CYB5A: variants seen among roughly 807,000 people sequenced by gnomAD.
CYB5A encodes the protein cytochrome b5.
A neutral mutation model predicts 16.2 loss-of-function variants in CYB5A; 10 were observed. The ratio of observed to expected loss-of-function variants is 0.62; its 90% CI spans 0.38 to 1.04. The LOEUF (loss-of-function observed/expected upper bound fraction) is 1.04, where lower values mean the gene tolerates loss of function less well. CYB5A is among the 50% of genes least tolerant of loss of function. The pLI, the probability that CYB5A is intolerant of heterozygous loss-of-function variation, is 0.01. For missense variants in CYB5A, 161 were observed against 165.9 expected, an observed-to-expected ratio of 0.97 and a Z score of 0.16; for synonymous variants, 62 against 57.0, an observed-to-expected ratio of 1.09 and a Z score of -0.40.
chr18:74,263,366 T>C lies in CYB5A; in HGVS notation c.241A>G (p.Ile81Val). 3.7e-6 allele frequency: 6 copies of C among 1,614,026 alleles called. No individual in the cohort carries two copies. Among genetic ancestry groups the C allele is most frequent in the Non-Finnish European group, 5.1e-6 (6 of 1,179,952 alleles). The change falls in exon 2 of 5, where the codon ATT becomes GTT. Residue 81 changes from isoleucine to valine, a missense_variant. Physicochemically the swap from Ile to Val is conservative, Grantham distance 29. Transcript: ENST00000340533. ...DAREMSKTFI[I>V]GELHPDDRPK... The stretch of plus-strand genomic sequence containing the variant: ...GTACTTACTGGATGGAGCTCCCCAA[T>C]GATGAATGTTTTGGACATTTCCCTG...
intron 1 of CYB5A, among the ~76,000 whole-genome samples, chr18:74,277,315 C>T (rs1429638046): frequency 6.6e-6 from 1 of 152,182 alleles, no homozygotes; most frequent in Non-Finnish European, 1.5e-5. Context: ...TGTGGAGGGG[C>T]CAGCATCTGC....
At chr18:74,282,314 G>A (rs1983143193) in intron 1 of CYB5A, among the ~76,000 whole-genome samples, 1 of 152,202 alleles carries the variant, frequency 6.6e-6, no homozygotes, top group African/African-American at 2.4e-5. Context: ...TCTCCACCAG[G>A]CTCTCCTCTT....
chr18:74,289,497 T>C (rs1256422522), intron 1 of CYB5A, among the ~76,000 whole-genome samples: 1 of 152,132 alleles, frequency 6.6e-6, no homozygotes, highest in Non-Finnish European at 1.5e-5. Context: ...GAGGTAGGGC[T>C]GGGAGCAGTG....
At chr18:74,271,261 T>C (rs1982657257) in intron 1 of CYB5A, among the ~76,000 whole-genome samples, 1 of 152,204 alleles carries the variant, frequency 6.6e-6, no homozygotes, top group African/African-American at 2.4e-5. Context: ...GATAAAGAAA[T>C]AGCACAGAAG....
chr18:74,291,929 A>AGC lies in CYB5A; in HGVS notation c.-56_-55dup, dbSNP rs1214689075. ...CACACAGCCCCGTCGGGTGGAGCAGAGCGCGCGACTCAGCCAGCTCCACCC... is the reference window on the plus strand; with the variant it reads ...CACACAGCCCCGTCGGGTGGAGCAGAGCGCGCGCGACTCAGCCAGCTCCACCC... On this transcript the variant is annotated 5_prime_UTR_variant, in exon 1 of 5. Transcript: ENST00000340533. The AGC allele has an allele frequency of 6.2e-7, 1 of 1,604,024 alleles. No individual in the cohort carries two copies. The highest frequency in any genetic ancestry group is 1.3e-5 in the African/African-American group (1 of 74,918).
At chr18:74,267,167 T>C (rs1252937145) in intron 1 of CYB5A, among the ~76,000 whole-genome samples, 1 of 152,156 alleles carries the variant, frequency 6.6e-6, no homozygotes, top group Non-Finnish European at 1.5e-5. Context: ...ATCACTTTTT[T>C]TTTTTTTGAG....
At chr18:74,253,934 T>G (rs1274072365) in intron 4 of CYB5A, among the ~76,000 whole-genome samples, 1 of 152,192 alleles carries the variant, frequency 6.6e-6, no homozygotes, top group African/African-American at 2.4e-5. Context: ...ATCCCAGCAC[T>G]TTGGGAGGCC....
intron 1 of CYB5A, among the ~76,000 whole-genome samples, chr18:74,268,980 A>G (rs1982559485): frequency 6.6e-6 from 1 of 152,258 alleles, no homozygotes; most frequent in Non-Finnish European, 1.5e-5. Flanking sequence ...GGGAATACCA[A>G]TACAATAACT....
intron 1 of CYB5A, among the ~76,000 whole-genome samples, chr18:74,288,701 C>T (rs1443460007): frequency 6.6e-6 from 1 of 152,128 alleles, no homozygotes; most frequent in Non-Finnish European, 1.5e-5. Context: ...GGAGATATAA[C>T]CCCAGGAGCA....
At chr18:74,265,745 G>A (rs1202137423) in intron 1 of CYB5A, among the ~76,000 whole-genome samples, 1 of 152,218 alleles carries the variant, frequency 6.6e-6, no homozygotes, top group East Asian at 1.9e-4. Context: ...AAGGCCCGGG[G>A]GAGCCCACAC....
intron 1 of CYB5A, among the ~76,000 whole-genome samples, chr18:74,271,632 AC>A: frequency 6.6e-6 from 1 of 151,316 alleles, no homozygotes; most frequent in African/African-American, 2.4e-5. Flanking sequence ...CATATCCATC[AC>A]CTCATGTACT....
chr18:74,266,674 G>A (rs973535346), intron 1 of CYB5A, among the ~76,000 whole-genome samples: 1 of 151,576 alleles, frequency 6.6e-6, no homozygotes, highest in Non-Finnish European at 1.5e-5. Flanking sequence ...CAGCAACAAG[G>A]GATAGGTATG....
At chr18:74,281,831 T>C (rs1305270115) in intron 1 of CYB5A, among the ~76,000 whole-genome samples, 1 of 150,488 alleles carries the variant, frequency 6.6e-6, no homozygotes, top group Non-Finnish European at 1.5e-5. Context: ...GGTGTGTGTG[T>C]GTGTGTGTGT....
At chr18:74,258,645 C>CA (rs1982081651) in intron 3 of CYB5A, 1 of 152,166 alleles carries the variant, frequency 6.6e-6, no homozygotes, top group African/African-American at 2.4e-5. Context: ...TCCACTAAAC[C>CA]AAAAGCACAA....
intron 1 of CYB5A, among the ~76,000 whole-genome samples, chr18:74,274,802 C>T (rs1982803411): frequency 6.6e-6 from 1 of 152,170 alleles, no homozygotes. Context: ...CCCTTAACTC[C>T]TAAATTTGCT....
chr18:74,266,700 C>T (rs937168168), intron 1 of CYB5A, among the ~76,000 whole-genome samples: 3 of 151,142 alleles, frequency 2.0e-5, no homozygotes, highest in South Asian at 2.1e-4. Flanking sequence ...ATCTACCTAT[C>T]GACCTCTGGT....
chr18:74,256,562 C>A (rs13381155), intron 3 of CYB5A: 20,388 of 503,910 alleles, frequency 0.04, 1,412 homozygotes, highest in East Asian at 0.18. Flanking sequence ...AGTGAAATAT[C>A]AACTTTTTGG....
At chr18:74,286,447 A>C (rs1163004728) in intron 1 of CYB5A, among the ~76,000 whole-genome samples, 1 of 152,238 alleles carries the variant, frequency 6.6e-6, no homozygotes, top group Non-Finnish European at 1.5e-5. Flanking sequence ...CCACATAAAA[A>C]CAATTTATTT....
At chr18:74,262,055 G>A (rs966497381) in intron 2 of CYB5A, among the ~76,000 whole-genome samples, 4 of 152,164 alleles carry the variant, frequency 2.6e-5, no homozygotes, top group Admixed American at 6.5e-5. Flanking sequence ...AGTTTTCAGC[G>A]ATTTTCCTGA....
Sources: gnomAD v4.1 joint callset for allele counts (sites outside exome capture counted in the v4.1 genomes callset) on GRCh38, gnomAD v4.1.1 for gene constraint, MANE v1.5 for transcripts, NCBI Gene and HGNC (gene_info 2026-07-23, HGNC 2026-07-21) for gene names.